FRMD4A: variants seen among roughly 807,000 people sequenced by gnomAD.
FRMD4A encodes the protein FERM domain-containing protein 4A.
FRMD4A carries 29 observed loss-of-function variants against 129.1 expected under a neutral mutation model. The ratio of observed to expected loss-of-function variants is 0.22; its 90% CI spans 0.17 to 0.31. The LOEUF (loss-of-function observed/expected upper bound fraction) is 0.31, where lower values mean the gene tolerates loss of function less well. Ranked by LOEUF, FRMD4A falls within the 10% of genes least tolerant of loss-of-function variation. FRMD4A has a pLI of 1.00. For synonymous variants in FRMD4A, 634 were observed against 571.6 expected (o/e 1.11, Z -1.56); for missense variants, 1,272 against 1,375.8 (o/e 0.92, Z 1.19).
At chr10:13,945,230 A>C (rs958888554) in intron 2 of FRMD4A, among the ~76,000 whole-genome samples, 6 of 152,322 alleles carry the variant, frequency 3.9e-5, no homozygotes, top group African/African-American at 7.2e-5. Context: ...AACCAAGTCC[A>C]TATCTTAAAT....
intron 2 of FRMD4A, among the ~76,000 whole-genome samples, chr10:14,192,694 ATCAGT>A (rs1355668076): frequency 6.6e-6 from 1 of 152,246 alleles, no homozygotes; most frequent in Admixed American, 6.5e-5. Flanking sequence ...GCTCAAGTAC[ATCAGT>A]GAACATGGTA....
chr10:13,943,257 G>C (rs1300548915), intron 2 of FRMD4A, among the ~76,000 whole-genome samples: 1 of 152,148 alleles, frequency 6.6e-6, no homozygotes, highest in Non-Finnish European at 1.5e-5. Flanking sequence ...ACCAGCAACG[G>C]TGCAGTGAGA....
At chr10:13,782,679 T>C (rs1243036898) in intron 6 of FRMD4A, among the ~76,000 whole-genome samples, 1 of 152,164 alleles carries the variant, frequency 6.6e-6, no homozygotes, top group Admixed American at 6.5e-5. Context: ...CTTGACCACG[T>C]GATCCACCCG....
chr10:13,985,633 C>T (rs2095578401), intron 2 of FRMD4A, among the ~76,000 whole-genome samples: 1 of 152,190 alleles, frequency 6.6e-6, no homozygotes, highest in South Asian at 2.1e-4. Flanking sequence ...GGAACCATGT[C>T]GCAGCCCTGG....
chr10:13,908,712 C>T (rs111363142), intron 2 of FRMD4A, among the ~76,000 whole-genome samples: 7 of 152,314 alleles, frequency 4.6e-5, no homozygotes, highest in African/African-American at 1.2e-4. Flanking sequence ...ATTTGATGAC[C>T]TTCTCAACAT....
intron 3 of FRMD4A, among the ~76,000 whole-genome samples, chr10:13,854,089 G>T (rs754769550): frequency 7.9e-5 from 12 of 152,028 alleles, no homozygotes; most frequent in Non-Finnish European, 1.8e-4. Flanking sequence ...TTTTATGAAG[G>T]TCAAGAGAAA....
chr10:13,667,218 G>A (rs2083121478), intron 17 of FRMD4A, among the ~76,000 whole-genome samples: 1 of 152,122 alleles, frequency 6.6e-6, no homozygotes, highest in Non-Finnish European at 1.5e-5. Context: ...GGCCATGGGA[G>A]CTCATTTTGC....
chr10:13,999,264 A>G (rs1052847862), intron 2 of FRMD4A, among the ~76,000 whole-genome samples: 1 of 151,830 alleles, frequency 6.6e-6, no homozygotes, highest in South Asian at 2.1e-4. Flanking sequence ...ACTCATCACC[A>G]CTTGACGTAC....
chr10:14,020,440 G>A (rs1282743752), intron 2 of FRMD4A, among the ~76,000 whole-genome samples: 1 of 152,208 alleles, frequency 6.6e-6, no homozygotes. Context: ...ATCAGCTATA[G>A]AGGAAACCCA....
chr10:13,737,144 C>A (rs2090677351), intron 12 of FRMD4A, among the ~76,000 whole-genome samples: 1 of 152,184 alleles, frequency 6.6e-6, no homozygotes, highest in Non-Finnish European at 1.5e-5. Flanking sequence ...GGCTGGAGTG[C>A]AGCAGGGCAA....
In FRMD4A at chr10:13,668,668, C is replaced by T. The variant is rs114430043; in HGVS notation, c.1374+1738G>A. ...GCTAAAGTCCCGCGGTACTGAGATG[C>T]GTGAAAGGTGTGGTGGGACTCTGGG... On this transcript the variant is annotated intron_variant, in intron 17 of 24. Transcript: ENST00000357447. 4.9e-3 allele frequency among the ~76,000 whole-genome samples: 748 copies of T among 152,204 alleles called. 5 individuals are homozygous for T. Among genetic ancestry groups the T allele is most frequent in the African/African-American group, 0.017 (710 of 41,526 alleles).
At chr10:13,957,332 C>T (rs916050527) in intron 2 of FRMD4A, among the ~76,000 whole-genome samples, 10 of 152,202 alleles carry the variant, frequency 6.6e-5, no homozygotes, top group Non-Finnish European at 1.5e-4. Context: ...GGGCTTACTG[C>T]AATCTCTGCC....
chr10:13,725,123 C>A (rs2089794093), intron 12 of FRMD4A, among the ~76,000 whole-genome samples: 1 of 152,194 alleles, frequency 6.6e-6, no homozygotes, highest in African/African-American at 2.4e-5. Context: ...TGTTTTATTT[C>A]TCTTTGTTTC....
intron 8 of FRMD4A, among the ~76,000 whole-genome samples, chr10:13,750,069 G>GAAGAAAGA (rs1185474605): frequency 0.078 from 4,349 of 55,546 alleles, 408 homozygotes; most frequent in East Asian, 0.25. Flanking sequence ...AGGAAGGAAG[G>GAAGAAAGA]AAGAAAGAAA....
intron 2 of FRMD4A, among the ~76,000 whole-genome samples, chr10:14,183,079 G>A (rs1841965044): frequency 2.0e-5 from 3 of 152,188 alleles, no homozygotes; most frequent in African/African-American, 7.2e-5. Flanking sequence ...AAAAAGCATA[G>A]AGCTAGGCAG....
intron 2 of FRMD4A, among the ~76,000 whole-genome samples, chr10:14,093,415 A>C (rs1053898485): frequency 6.6e-6 from 1 of 152,218 alleles, no homozygotes; most frequent in Non-Finnish European, 1.5e-5. Flanking sequence ...AAGGAAGAAA[A>C]AGGGTTCTTC....
intron 14 of FRMD4A, among the ~76,000 whole-genome samples, chr10:13,700,726 G>C (rs190686172): frequency 6.6e-6 from 1 of 151,650 alleles, no homozygotes; most frequent in Admixed American, 6.6e-5. Context: ...ACGCAGCTGC[G>C]TGCCCAGAGT....
chr10:13,989,644 A>C (rs1390590278), intron 2 of FRMD4A, among the ~76,000 whole-genome samples: 1 of 152,180 alleles, frequency 6.6e-6, no homozygotes, highest in East Asian at 1.9e-4. Flanking sequence ...GATTTTAAAT[A>C]AGAATACATG....
At chr10:13,997,741 G>T (rs1184842961) in intron 2 of FRMD4A, among the ~76,000 whole-genome samples, 4 of 150,300 alleles carry the variant, frequency 2.7e-5, no homozygotes, top group Non-Finnish European at 5.9e-5. Flanking sequence ...TTCCATCTCA[G>T]CCCCCAGAGT....
Sources: allele counts gnomAD v4.1 joint callset (sites outside exome capture counted in the v4.1 genomes callset), GRCh38; gene constraint gnomAD v4.1.1; transcripts MANE v1.5; gene names NCBI Gene and HGNC (gene_info 2026-07-23, HGNC 2026-07-21).